Variants in FMNL2 observed in about 807,000 individuals in gnomAD.
FMNL2 encodes formin like 2.
FMNL2 carries 51 observed loss-of-function variants against 130.2 expected under a neutral mutation model. The observed-to-expected ratio is 0.39, with a 90% CI of 0.31 to 0.49. The LOEUF is 0.49. Among genes scored for constraint, FMNL2 ranks in the 20% least tolerant of loss-of-function variants. FMNL2 has a pLI of 0.85. For missense variants in FMNL2, 977 were observed against 1,316.2 expected, an observed-to-expected ratio of 0.74 and a Z score of 3.99; for synonymous variants, 465 against 467.1, an observed-to-expected ratio of 1.00 and a Z score of 0.06.
At chr2:152,644,047 T>C (rs1336309655) in intron 25 of FMNL2, 9 of 270,512 alleles carry the variant, frequency 3.3e-5, no homozygotes, top group Non-Finnish European at 5.1e-5. Context: ...CTGGGTAACA[T>C]AGGGAAGCCC....
At chr2:152,530,434 A>C (rs1424371263) in intron 2 of FMNL2, among the ~76,000 whole-genome samples, 1 of 152,154 alleles carries the variant, frequency 6.6e-6, no homozygotes, top group Non-Finnish European at 1.5e-5. Context: ...ACTAAAACTG[A>C]AGTCTACTGA....
intron 2 of FMNL2, among the ~76,000 whole-genome samples, chr2:152,533,177 C>A (rs1410611335): frequency 6.6e-6 from 1 of 151,998 alleles, no homozygotes; most frequent in East Asian, 1.9e-4. Flanking sequence ...CTTATGTTTT[C>A]TTCTGGAAAT....
chr2:152,639,926 C>CA, intron 23 of FMNL2, 32 bp from the exon 24 acceptor site: 1 of 1,523,394 alleles, frequency 6.6e-7, no homozygotes, highest in Non-Finnish European at 8.8e-7. Context: ...TTTCCATTAA[C>CA]ATCATCTTTC....
At chr2:152,422,533 T>C (rs1686975257) in intron 1 of FMNL2, among the ~76,000 whole-genome samples, 2 of 151,500 alleles carry the variant, frequency 1.3e-5, no homozygotes, top group African/African-American at 4.9e-5. Flanking sequence ...TGTGGGGGAG[T>C]TTTCCTTGGG....
chr2:152,540,932 T>C (rs989675311), intron 2 of FMNL2, among the ~76,000 whole-genome samples: 2 of 152,212 alleles, frequency 1.3e-5, no homozygotes, highest in African/African-American at 4.8e-5. Flanking sequence ...AAGGCTTCAG[T>C]GGACCATGCA....
chr2:152,365,805 A>T (rs1349658928), intron 1 of FMNL2, among the ~76,000 whole-genome samples: 1 of 152,136 alleles, frequency 6.6e-6, no homozygotes, highest in Non-Finnish European at 1.5e-5. Flanking sequence ...CCATAATCAG[A>T]CAGTCAGCAG....
chr2:152,470,279 G>T (rs1296995567), intron 1 of FMNL2, among the ~76,000 whole-genome samples: 2 of 152,154 alleles, frequency 1.3e-5, no homozygotes, highest in Non-Finnish European at 2.9e-5. Flanking sequence ...TTTGTGAGCT[G>T]AGCAAGTCCC....
intron 10 of FMNL2, among the ~76,000 whole-genome samples, chr2:152,608,998 G>C (rs1312464542): frequency 2.6e-5 from 4 of 152,136 alleles, no homozygotes; most frequent in African/African-American, 9.7e-5. Context: ...GTCCAAAGAT[G>C]TCCTCTCTAG....
chr2:152,527,289 C>G (rs1693440433), intron 2 of FMNL2, among the ~76,000 whole-genome samples: 1 of 152,162 alleles, frequency 6.6e-6, no homozygotes, highest in South Asian at 2.1e-4. Flanking sequence ...CCAGTGACAA[C>G]TTGATGGCCC....
At chr2:152,538,993 T>G (rs994922260) in intron 2 of FMNL2, among the ~76,000 whole-genome samples, 10 of 152,204 alleles carry the variant, frequency 6.6e-5, no homozygotes, top group Admixed American at 6.5e-4. Flanking sequence ...ATTTTAGATA[T>G]TGTATTAAAA....
At chr2:152,466,134 CAA>C (rs142420549) in intron 1 of FMNL2, among the ~76,000 whole-genome samples, 2,065 of 152,234 alleles carry the variant, frequency 0.014, 46 homozygotes, top group African/African-American at 0.047. Context: ...TTAGGAGACT[CAA>C]GAGAGCATAT....
intron 1 of FMNL2, among the ~76,000 whole-genome samples, chr2:152,498,654 G>A (rs916674913): frequency 1.6e-4 from 24 of 152,120 alleles, no homozygotes; most frequent in Non-Finnish European, 3.2e-4. Flanking sequence ...TCTGCATTTC[G>A]ATCTTCTGGC....
chr2:152,446,730 G>T (rs1688358247), intron 1 of FMNL2, among the ~76,000 whole-genome samples: 2 of 152,196 alleles, frequency 1.3e-5, no homozygotes, highest in South Asian at 4.1e-4. Flanking sequence ...TGTTAAGGAA[G>T]AATCTGCAGA....
chr2:152,542,479 G>C (rs568085375), intron 2 of FMNL2, among the ~76,000 whole-genome samples: 2 of 152,264 alleles, frequency 1.3e-5, no homozygotes, highest in African/African-American at 4.8e-5. Flanking sequence ...GCAGATGTGG[G>C]TTCAAACCCA....
intron 1 of FMNL2, among the ~76,000 whole-genome samples, chr2:152,511,528 G>A (rs960971271): frequency 6.6e-6 from 1 of 152,146 alleles, no homozygotes; most frequent in Non-Finnish European, 1.5e-5. Context: ...TAAGACAAAA[G>A]CATAATCTTT....
chr2:152,583,347 G>T (rs990795667), intron 9 of FMNL2, among the ~76,000 whole-genome samples: 1 of 152,192 alleles, frequency 6.6e-6, no homozygotes, highest in Non-Finnish European at 1.5e-5. Flanking sequence ...CCCTGCTGGT[G>T]TCTAGGCGCT....
chr2:152,495,374 G>A (rs563905881), intron 1 of FMNL2, among the ~76,000 whole-genome samples: 1 of 152,210 alleles, frequency 6.6e-6, no homozygotes, highest in South Asian at 2.1e-4. Flanking sequence ...GCTGGGCCAA[G>A]TGTGGTGACT....
intron 1 of FMNL2, among the ~76,000 whole-genome samples, chr2:152,429,609 T>A (rs1687389318): frequency 6.7e-6 from 1 of 149,378 alleles, no homozygotes. Flanking sequence ...TCTTTTGTCT[T>A]TTTTTTTTTG....
intron 25 of FMNL2, chr2:152,643,289 C>CT: frequency 1.5e-6 from 2 of 1,295,788 alleles, no homozygotes; most frequent in Non-Finnish European, 2.1e-6. Context: ...TGCCTTCCCC[C>CT]TTTCCTGCCC....
Sources: allele counts gnomAD v4.1 joint callset (sites outside exome capture counted in the v4.1 genomes callset), GRCh38; gene constraint gnomAD v4.1.1; transcripts MANE v1.5; gene names NCBI Gene and HGNC (gene_info 2026-07-23, HGNC 2026-07-21).